Variants in CCDC7 observed in about 807,000 individuals in gnomAD.
CCDC7 encodes the protein coiled-coil domain-containing protein 7.
In CCDC7, 183 loss-of-function variants were observed where a neutral mutation model predicts 196.9. The observed-to-expected ratio is 0.93, with a 90% confidence interval of 0.82 to 1.05. The LOEUF is 1.05. Ranked by LOEUF, CCDC7 falls within the 50% of genes least tolerant of loss-of-function variation. The probability of loss-of-function intolerance (pLI) is 0.00; values close to 1 mark genes in which losing one functional copy is unlikely to be tolerated. For missense variants in CCDC7, 1,540 were observed against 1,482.2 expected (o/e 1.04, Z -0.64); for synonymous variants, 525 against 484.6 (o/e 1.08, Z -1.10).
At chr10:32,666,442 A>T (rs541492139) in intron 21 of CCDC7, among the ~76,000 whole-genome samples, 109 of 152,140 alleles carry the variant, frequency 7.2e-4, no homozygotes, top group African/African-American at 2.4e-3. Context: ...TTTGTTACAT[A>T]TATATACATG....
At chr10:32,652,299 A>T (rs1256161918) in intron 20 of CCDC7, among the ~76,000 whole-genome samples, 1 of 151,596 alleles carries the variant, frequency 6.6e-6, no homozygotes, top group Non-Finnish European at 1.5e-5. Context: ...CAGCTTATGC[A>T]TGTCTTTATA....
exon 42 of CCDC7, chr10:32,876,364 C>G (rs760860139): frequency 6.2e-7 from 1 of 1,610,286 alleles, no homozygotes; most frequent in East Asian, 2.2e-5. Flanking sequence ...TGCTGCTGCC[C>G]GAAAATCTGT....
At chr10:32,646,948 A>T (rs1413461298) in intron 20 of CCDC7, among the ~76,000 whole-genome samples, 1 of 152,226 alleles carries the variant, frequency 6.6e-6, no homozygotes, top group African/African-American at 2.4e-5. Flanking sequence ...ATTGCATGGT[A>T]TATATGTCCC....
intron 18 of CCDC7, among the ~76,000 whole-genome samples, chr10:32,629,959 A>T (rs1479359968): frequency 6.6e-6 from 1 of 152,166 alleles, no homozygotes; most frequent in African/African-American, 2.4e-5. Context: ...TCTAGTTTGG[A>T]GTTATTGCTG....
chr10:32,870,361 T>C lies in CCDC7; in HGVS notation c.4112-5986T>C, dbSNP rs191308264. Among the ~76,000 whole-genome samples the C allele has an allele frequency of 2.0e-3, 304 of 152,296 alleles. 1 individual carries two copies. Among genetic ancestry groups the C allele is most frequent in the African/African-American group, 6.8e-3 (283 of 41,570 alleles). ...AGGTATTTTATTCTCTTTGAAGCAA[T>C]TGTGAATGGGAGTTCACTCATGATT... On this transcript the variant is annotated intron_variant, in intron 41 of 41. Coordinates refer to ENST00000639629, the Ensembl canonical transcript of CCDC7.
intron 16 of CCDC7, among the ~76,000 whole-genome samples, chr10:32,576,459 A>G (rs1013233886): frequency 4.6e-5 from 7 of 151,750 alleles, no homozygotes; most frequent in African/African-American, 1.7e-4. Flanking sequence ...GGAAAACTGG[A>G]CTGACAAGCC....
intron 18 of CCDC7, among the ~76,000 whole-genome samples, chr10:32,596,768 T>G (rs2060411578): frequency 6.6e-6 from 1 of 152,196 alleles, no homozygotes; most frequent in South Asian, 2.1e-4. Context: ...AGTATTTTAT[T>G]TCTCCATCAC....
chr10:32,861,837 A>G (rs1277607061), intron 41 of CCDC7, among the ~76,000 whole-genome samples: 1 of 152,254 alleles, frequency 6.6e-6, no homozygotes, highest in Non-Finnish European at 1.5e-5. Flanking sequence ...ACTGGTCATT[A>G]GAGAAATGCA....
At chr10:32,769,676 C>A (rs2078867821) in intron 28 of CCDC7, among the ~76,000 whole-genome samples, 1 of 151,828 alleles carries the variant, frequency 6.6e-6, no homozygotes. Flanking sequence ...GTTCCCCTCC[C>A]AGTGTCCATG....
At chr10:32,454,438 G>A (rs1183481333) in intron 2 of CCDC7, among the ~76,000 whole-genome samples, 2 of 152,024 alleles carry the variant, frequency 1.3e-5, no homozygotes, top group African/African-American at 4.8e-5. Flanking sequence ...GGGAGGCGGG[G>A]TAAGGGTTGA....
intron 24 of CCDC7, among the ~76,000 whole-genome samples, chr10:32,702,947 G>C (rs2079017413): frequency 1.3e-5 from 2 of 152,170 alleles, no homozygotes; most frequent in Admixed American, 6.5e-5. Context: ...ACAGCACACT[G>C]ATGGGTCTTG....
intron 28 of CCDC7, among the ~76,000 whole-genome samples, chr10:32,768,694 A>G (rs2078701708): frequency 6.6e-6 from 1 of 152,100 alleles, no homozygotes; most frequent in African/African-American, 2.4e-5. Flanking sequence ...TGTTTCTTCT[A>G]TACCTAGTTG....
At chr10:32,469,583 G>A (rs1179395009) in intron 5 of CCDC7, among the ~76,000 whole-genome samples, 2 of 152,182 alleles carry the variant, frequency 1.3e-5, no homozygotes, top group Non-Finnish European at 2.9e-5. Context: ...TTCCTGCTGG[G>A]AAGCTGTTCA....
intron 18 of CCDC7, among the ~76,000 whole-genome samples, chr10:32,599,806 T>C (rs1013974358): frequency 6.6e-6 from 1 of 152,106 alleles, no homozygotes; most frequent in Non-Finnish European, 1.5e-5. Flanking sequence ...ACCTCACCCA[T>C]TCCCACCTTT....
chr10:32,756,281 G>C (rs971996146), intron 28 of CCDC7, among the ~76,000 whole-genome samples: 6 of 152,138 alleles, frequency 3.9e-5, no homozygotes, highest in African/African-American at 1.4e-4. Context: ...TCCTCGAGAA[G>C]AGCAACTCCA....
At chr10:32,881,496 T>C (rs1056629259), downstream of CCDC7, among the ~76,000 whole-genome samples, 2 of 152,070 alleles carry the variant, frequency 1.3e-5, no homozygotes, top group Non-Finnish European at 2.9e-5. Context: ...TCTTGGTGCA[T>C]GAAGCCTGAA....
intron 20 of CCDC7, among the ~76,000 whole-genome samples, chr10:32,649,974 T>G (rs1322880544): frequency 2.6e-5 from 4 of 152,230 alleles, no homozygotes; most frequent in Admixed American, 6.5e-5. Context: ...TCAATGAGCT[T>G]CTTTGCCGTC....
intron 21 of CCDC7, among the ~76,000 whole-genome samples, chr10:32,675,022 T>G: frequency 6.6e-6 from 1 of 152,120 alleles, no homozygotes; most frequent in East Asian, 1.9e-4. Flanking sequence ...AAATAGCATA[T>G]AGTGGATCTT....
chr10:32,732,831 A>G (rs2084219309), intron 28 of CCDC7, among the ~76,000 whole-genome samples: 2 of 152,128 alleles, frequency 1.3e-5, no homozygotes, highest in South Asian at 2.1e-4. Flanking sequence ...ATATTAACAT[A>G]GCATCTTTTT....
Sources: gnomAD v4.1 joint callset for allele counts (sites outside exome capture counted in the v4.1 genomes callset) on GRCh38, gnomAD v4.1.1 for gene constraint, MANE v1.5 for transcripts, NCBI Gene and HGNC (gene_info 2026-07-23, HGNC 2026-07-21) for gene names.